CACNA1H: variants seen among roughly 807,000 people sequenced by gnomAD.
CACNA1H encodes calcium voltage-gated channel subunit alpha1 H.
CACNA1H carries 149 observed loss-of-function variants against 192.5 expected under a neutral mutation model. The observed-to-expected ratio is 0.77, with a 90% CI of 0.68 to 0.89. The LOEUF (loss-of-function observed/expected upper bound fraction) is 0.89. Among genes scored for constraint, CACNA1H ranks in the 40% least tolerant of loss-of-function variants. The pLI, the probability that CACNA1H is intolerant of heterozygous loss-of-function variation, is 0.00. For synonymous variants in CACNA1H, 2,202 were observed against 1,475.2 expected (o/e 1.49, Z -11.29); for missense variants, 4,257 against 3,423.5 (o/e 1.24, Z -6.08).
At chr16:1,211,062 TCGCAGGCCGCCCACTCG>T (rs1969386579) in intron 21 of CACNA1H, 89 bp from the exon 22 acceptor site, 35 of 1,555,678 alleles carry the variant, frequency 2.2e-5, no homozygotes, top group Non-Finnish European at 3.0e-5. Flanking sequence ...CCTGGGCTGT[TCGCAGGCCGCCCACTCG>T]GCCCCACCTT....
intron 2 of CACNA1H, among the ~76,000 whole-genome samples, chr16:1,194,565 G>A (rs960763361): frequency 6.6e-6 from 1 of 152,190 alleles, no homozygotes; most frequent in Admixed American, 6.5e-5. Flanking sequence ...GTTGCACAGG[G>A]TGCCCTGCCT....
Position 1,153,164 on chromosome 16 carries a change from G to T in CACNA1H, c.-325G>T. On this transcript the variant is annotated 5_prime_UTR_variant, in exon 1 of 35. Coordinates refer to ENST00000348261, the MANE Select transcript of CACNA1H (RefSeq NM_021098.3). Reference sequence around the variant, plus strand: ...CTCGAGGCTCGCTCGCTGCCTCACCGGTCCCCGGCCCGCGCCCCGCGCCCC... The same window carrying T: ...CTCGAGGCTCGCTCGCTGCCTCACCTGTCCCCGGCCCGCGCCCCGCGCCCC... The T allele has an allele frequency of 7.0e-6, 1 of 142,982 alleles. No individual in the cohort carries two copies. Among genetic ancestry groups the T allele is most frequent in the Non-Finnish European group, 1.6e-5 (1 of 64,452 alleles). 8.9% of individuals were successfully genotyped at this position (142,982 alleles called of 1,614,324 possible). A position where few individuals can be genotyped will look rare whatever the true frequency, so the allele number is the denominator to read the frequency against.
At chr16:1,195,194 G>C in intron 3 of CACNA1H, 111 bp downstream of exon 3, 1 of 905,774 alleles carries the variant, frequency 1.1e-6, no homozygotes, top group South Asian at 1.6e-5. Flanking sequence ...CGTGGAGTGG[G>C]TCAGGGTCGG....
intron 10 of CACNA1H, 39 bp from the exon 11 acceptor site, chr16:1,205,075 G>A (rs377605545): frequency 1.7e-5 from 26 of 1,571,386 alleles, no homozygotes; most frequent in East Asian, 1.6e-4. Context: ...TGGGAGCCGC[G>A]GGTGCGGCCT....
Position 1,218,296 on chromosome 16 carries a change from G to A in CACNA1H, c.5532G>A (p.Val1844=). Residue 1844 remains valine, a synonymous_variant, in exon 33 of 35, where the codon GTG becomes GTA. Coordinates refer to ENST00000348261, the MANE Select transcript of CACNA1H (RefSeq NM_021098.3). ...ALSPVYFVTF[V]LVAQFVLVNV... is the part of the protein sequence containing the mutation. ...CGCCCGTCTACTTCGTGACCTTCGT[G>A]CTGGTGGCCCAGTTCGTGCTGGTGA... 1 of 1,554,270 alleles carries A rather than the reference G, an allele frequency of 6.4e-7. No homozygotes were observed. Among genetic ancestry groups the A allele is most frequent in the Non-Finnish European group, 8.7e-7 (1 of 1,149,202 alleles).
intron 11 of CACNA1H, 135 bp from the exon 12 acceptor site, chr16:1,205,969 G>C (rs923289342): frequency 1.3e-6 from 1 of 795,962 alleles, no homozygotes; most frequent in Non-Finnish European, 1.9e-6. Context: ...CCTTGATGCA[G>C]CCATACCCTC....
intron 2 of CACNA1H, among the ~76,000 whole-genome samples, chr16:1,165,740 G>A (rs1444635571): frequency 6.6e-6 from 1 of 152,218 alleles, no homozygotes; most frequent in Non-Finnish European, 1.5e-5. Context: ...CTCACAGTGC[G>A]GGTGGCTCCC....
intron 2 of CACNA1H, among the ~76,000 whole-genome samples, chr16:1,184,303 C>T (rs1026130386): frequency 1.3e-5 from 2 of 152,222 alleles, no homozygotes; most frequent in Non-Finnish European, 2.9e-5. Flanking sequence ...CCTTACTGCC[C>T]GAGGCAGAGG....
At chr16:1,175,905 C>T (rs1452185063) in intron 2 of CACNA1H, among the ~76,000 whole-genome samples, 1 of 152,154 alleles carries the variant, frequency 6.6e-6, no homozygotes, top group Non-Finnish European at 1.5e-5. Flanking sequence ...CCTGCCCGGA[C>T]CCCCAGTGCA....
Position 1,211,221 on chromosome 16 carries a change from C to T in CACNA1H, c.4277C>T (p.Ser1426Leu), listed in dbSNP as rs1170804014. 2 of 1,613,060 alleles carry T rather than the reference C, an allele frequency of 1.2e-6. No homozygotes were observed. Among genetic ancestry groups the T allele is most frequent in the Non-Finnish European group, 8.5e-7 (1 of 1,179,750 alleles). The change falls in exon 22 of 35, where the codon TCA becomes TTA. Residue 1426 changes from serine (S) to leucine (L), a missense_variant. By Grantham distance (145) the Ser-to-Leu change is moderately radical (BLOSUM62 -2). Transcript: ENST00000348261. ...CTGGTGGTGGAGACGCTGATATCATCACTCAGGCCCATTGGGAACATCGTC... is the reference window on the plus strand; with the variant it reads ...CTGGTGGTGGAGACGCTGATATCATTACTCAGGCCCATTGGGAACATCGTC... ...LKLVVETLISSLRPIGNIVLI... is the reference protein window; with the variant it reads ...LKLVVETLISLLRPIGNIVLI...
At chr16:1,171,731 G>A (rs1190201341) in intron 2 of CACNA1H, among the ~76,000 whole-genome samples, 1 of 152,104 alleles carries the variant, frequency 6.6e-6, no homozygotes, top group Non-Finnish European at 1.5e-5. Flanking sequence ...CCCTCCTGGA[G>A]TCCCTGGAGC....
In CACNA1H at chr16:1,211,552, G is replaced by T. The variant is rs1969452437; in HGVS notation, c.4422G>T (p.Arg1474=). Residue 1474 remains arginine (R), a synonymous_variant, in exon 23 of 35, where the codon CGG becomes CGT. Transcript: ENST00000348261. ...ACATCTCCACCAAGGCACAGTGCCGGGCCGCCCACTACCGCTGGGTGCGAC... is the reference window on the plus strand; with the variant it reads ...ACATCTCCACCAAGGCACAGTGCCGTGCCGCCCACTACCGCTGGGTGCGAC... The part of the protein sequence containing the change: ...TRNISTKAQC[R]AAHYRWVRRK... 3.7e-6 allele frequency: 6 copies of T among 1,612,212 alleles called. No homozygotes were observed. The highest frequency in any genetic ancestry group is 5.1e-6 in the Non-Finnish European group (6 of 1,179,634).
intron 9 of CACNA1H, among the ~76,000 whole-genome samples, chr16:1,202,669 T>TCATG (rs1968115784): frequency 1.3e-5 from 2 of 152,182 alleles, no homozygotes; most frequent in South Asian, 4.2e-4. Context: ...GGCCCACAGC[T>TCATG]CATGGCAGGA....
At chr16:1,207,456 CAGG>C (rs764694382) in intron 14 of CACNA1H, 26 bp downstream of exon 14, 2 of 1,608,292 alleles carry the variant, frequency 1.2e-6, no homozygotes, top group Non-Finnish European at 8.5e-7. Flanking sequence ...GAGGGGCTGC[CAGG>C]AGGAGGGCGA....
intron 31 of CACNA1H, among the ~76,000 whole-genome samples, chr16:1,217,332 C>T (rs1329210819): frequency 6.6e-6 from 1 of 152,254 alleles, no homozygotes; most frequent in East Asian, 1.9e-4. Context: ...TCTGGAAACA[C>T]ACGCCATGCC....
chr16:1,220,349 T>C lies in CACNA1H; in HGVS notation c.6417T>C (p.Asp2139=), dbSNP rs4247094. Residue 2139 remains aspartate (D), a synonymous_variant, in exon 35 of 35, where the codon GAT becomes GAC. Transcript: ENST00000348261. ...ACCTGCGCAGGCTCTACAGCGTGGATGCTCAGGGCTTCCTGGACAAGCCGG... is the reference window on the plus strand; with the variant it reads ...ACCTGCGCAGGCTCTACAGCGTGGACGCTCAGGGCTTCCTGGACAAGCCGG... ...ERDLRRLYSV[D]AQGFLDKPGR... 1,265,720 of 1,530,922 alleles carry C rather than the reference T, an allele frequency of 0.83. 525,248 individuals carry two copies. The highest frequency in any genetic ancestry group is 1 in the East Asian group (42,299 of 42,334). 94.8% of individuals were successfully genotyped at this position (1,530,922 alleles called of 1,614,324 possible).
At position 1,210,982 on chromosome 16, in the gene CACNA1H, C is replaced by T; in HGVS notation, c.4223+11C>T. The T allele has an allele frequency of 6.3e-7, 1 of 1,590,712 alleles. No homozygotes were observed. The highest frequency in any genetic ancestry group is 8.5e-7 in the Non-Finnish European group (1 of 1,173,670). ...CCTGCGGCCTCTGAGGTGGGGGGCT[C>T]CCCGTGGGCTCCCGGGGCAACCTGG... On this transcript the variant is annotated intron_variant, in intron 21 of 34. Coordinates refer to ENST00000348261, the MANE Select transcript of CACNA1H (RefSeq NM_021098.3).
chr16:1,211,016 T>C (rs1269413454), intron 21 of CACNA1H, 45 bp downstream of exon 21: 2 of 1,573,070 alleles, frequency 1.3e-6, no homozygotes, highest in Non-Finnish European at 1.7e-6. Context: ...GGAAGCACAG[T>C]CCCCTGACGC....
rs894798312 is a variant in CACNA1H at position 1,180,651 on chromosome 16, G to T, written c.300-14321G>T. On this transcript the variant is annotated intron_variant, in intron 2 of 34. Coordinates refer to ENST00000348261, the MANE Select transcript of CACNA1H (RefSeq NM_021098.3). This position sits in a 1 kb window ranked among gnomAD's most constrained non-coding sequence, Gnocchi z 4.4. ...GGCCCACCTGGCCTTGGCTTTCCCGGGGCAGGTAGGGAGGGGCCTGGGCAG... is the reference window on the plus strand; with the variant it reads ...GGCCCACCTGGCCTTGGCTTTCCCGTGGCAGGTAGGGAGGGGCCTGGGCAG... Among the ~76,000 whole-genome samples, 21 of 152,146 alleles carry T rather than the reference G, an allele frequency of 1.4e-4. No individual in the cohort carries two copies. The highest frequency in any genetic ancestry group is 1.1e-3 in the Admixed American group (17 of 15,288).
Sources: allele counts gnomAD v4.1 joint callset (sites outside exome capture counted in the v4.1 genomes callset), GRCh38; gene constraint gnomAD v4.1.1; non-coding constraint Gnocchi (gnomAD v3.1); transcripts MANE v1.5; gene names NCBI Gene and HGNC (gene_info 2026-07-23, HGNC 2026-07-21).